Variants in RBFOX1 observed in about 807,000 individuals in gnomAD.
RBFOX1 encodes the protein RNA binding protein fox-1 homolog 1.
In RBFOX1, 8 loss-of-function variants were observed where a neutral mutation model predicts 57.7. The observed-to-expected ratio is 0.14, with a 90% CI of 0.08 to 0.25. The LOEUF (loss-of-function observed/expected upper bound fraction) is 0.25. RBFOX1 is among the 10% of genes least tolerant of loss of function. The pLI is 1.00. For synonymous variants in RBFOX1, 326 were observed against 222.4 expected, an observed-to-expected ratio of 1.47 and a Z score of -4.15; for missense variants, 611 against 548.5, an observed-to-expected ratio of 1.11 and a Z score of -1.14.
At chr16:5,412,290 T>C (rs187241602) in intron 1 of RBFOX1, among the ~76,000 whole-genome samples, 1 of 152,328 alleles carries the variant, frequency 6.6e-6, no homozygotes, top group Non-Finnish European at 1.5e-5. Flanking sequence ...AGAGTTATGG[T>C]TGAGAGCAGG....
Position 7,516,358 on chromosome 16 carries a change from A to G in RBFOX1, c.28-1789A>G, listed in dbSNP as rs143737858. On this transcript the variant is annotated intron_variant, in intron 4 of 15. Transcript: ENST00000550418. Reference sequence around the variant, plus strand: ...TCTCAGTGGGACCATCTGATTGGCCAGGCTGATGTCCTATGGCTCATCTCG... The same window carrying G: ...TCTCAGTGGGACCATCTGATTGGCCGGGCTGATGTCCTATGGCTCATCTCG... Among the ~76,000 whole-genome samples the G allele has an allele frequency of 1.3e-4, 20 of 152,206 alleles. No homozygotes were observed. In the East Asian group the frequency reaches 3.9e-3, roughly 29 times the overall value.
chr16:5,869,625 C>G (rs947483986), intron 4 of RBFOX1, among the ~76,000 whole-genome samples: 2 of 152,118 alleles, frequency 1.3e-5, no homozygotes, highest in Admixed American at 1.3e-4. Context: ...TGGTCTCTAT[C>G]TCTTGACCAC....
chr16:6,095,395 C>T (rs1216383060), intron 1 of RBFOX1, among the ~76,000 whole-genome samples: 1 of 152,184 alleles, frequency 6.6e-6, no homozygotes, highest in Non-Finnish European at 1.5e-5. Flanking sequence ...TTTTTACGGC[C>T]TGTGTCTGTG....
intron 3 of RBFOX1, among the ~76,000 whole-genome samples, chr16:6,802,680 A>T (rs146248824): frequency 6.6e-6 from 1 of 152,216 alleles, no homozygotes; most frequent in Non-Finnish European, 1.5e-5. Flanking sequence ...GTCTCAATTA[A>T]AAACAAAAAA....
At chr16:5,934,886 G>T (rs374501442) in intron 4 of RBFOX1, among the ~76,000 whole-genome samples, 30 of 152,224 alleles carry the variant, frequency 2.0e-4, no homozygotes, top group Admixed American at 3.9e-4. Context: ...ACACAGACTG[G>T]CTGGCCCTGT....
At chr16:7,325,273 C>T (rs940614762) in intron 4 of RBFOX1, among the ~76,000 whole-genome samples, 2 of 152,134 alleles carry the variant, frequency 1.3e-5, no homozygotes, top group Non-Finnish European at 2.9e-5. Context: ...TCGTGATATT[C>T]TTATTTCGCA....
At chr16:6,112,122 G>A (rs981738694) in intron 1 of RBFOX1, among the ~76,000 whole-genome samples, 9 of 152,230 alleles carry the variant, frequency 5.9e-5, no homozygotes, top group African/African-American at 2.2e-4. Context: ...GTATATTCCA[G>A]ACCAATTAGC....
At chr16:7,265,658 A>G (rs1039197642) in intron 4 of RBFOX1, among the ~76,000 whole-genome samples, 2 of 152,154 alleles carry the variant, frequency 1.3e-5, no homozygotes, top group Non-Finnish European at 2.9e-5. Flanking sequence ...CATATTGGCC[A>G]GGCCGGTCTG....
At chr16:7,202,218 C>G (rs1476062231) in intron 4 of RBFOX1, among the ~76,000 whole-genome samples, 3 of 150,454 alleles carry the variant, frequency 2.0e-5, no homozygotes, top group Admixed American at 6.6e-5. Context: ...AAAAGATGCT[C>G]AACATCATTA....
intron 1 of RBFOX1, among the ~76,000 whole-genome samples, chr16:5,321,357 T>G (rs2064400561): frequency 6.6e-6 from 1 of 151,688 alleles, no homozygotes; most frequent in Admixed American, 6.6e-5. Context: ...TCTCGCTTTG[T>G]CACCCAGGCT....
At chr16:6,906,881 C>T (rs2070134606) in intron 3 of RBFOX1, among the ~76,000 whole-genome samples, 1 of 152,034 alleles carries the variant, frequency 6.6e-6, no homozygotes, top group Non-Finnish European at 1.5e-5. Context: ...TGCCACCCCA[C>T]CTGGTTAATT....
At chr16:5,424,912 T>TCTCTC (rs1240435018) in intron 1 of RBFOX1, among the ~76,000 whole-genome samples, 34 of 120,052 alleles carry the variant, frequency 2.8e-4, no homozygotes, top group Non-Finnish European at 4.2e-4. Context: ...TCTTTCTTTC[T>TCTCTC]TTCTTTCTTT....
intron 3 of RBFOX1, among the ~76,000 whole-genome samples, chr16:6,737,785 CTT>C (rs1348919751): frequency 2.6e-5 from 4 of 152,066 alleles, no homozygotes; most frequent in African/African-American, 9.7e-5. Context: ...GGAAAGGTAT[CTT>C]ATATCAAGAT....
At chr16:7,694,708 C>T (rs1371601510) in intron 14 of RBFOX1, among the ~76,000 whole-genome samples, 1 of 152,124 alleles carries the variant, frequency 6.6e-6, no homozygotes, top group Non-Finnish European at 1.5e-5. Context: ...AATTGAATTG[C>T]TGGGAGTGGC....
intron 4 of RBFOX1, among the ~76,000 whole-genome samples, chr16:5,894,565 A>G (rs1316870808): frequency 6.6e-6 from 1 of 152,038 alleles, no homozygotes; most frequent in Non-Finnish European, 1.5e-5. Context: ...GTGAGCCACC[A>G]TGCCCTGTTA....
chr16:5,354,597 C>A (rs1272766454), intron 1 of RBFOX1, among the ~76,000 whole-genome samples: 3 of 152,246 alleles, frequency 2.0e-5, no homozygotes, highest in African/African-American at 7.2e-5. Flanking sequence ...TAATCTTAAG[C>A]CGCTTTTCCA....
At chr16:7,611,480 G>A (rs1355245413) in intron 10 of RBFOX1, among the ~76,000 whole-genome samples, 1 of 151,898 alleles carries the variant, frequency 6.6e-6, no homozygotes, top group Non-Finnish European at 1.5e-5. Context: ...CTGGGAGGCT[G>A]AGGCAGAAGA....
intron 3 of RBFOX1, among the ~76,000 whole-genome samples, chr16:5,707,197 C>T (rs1174045994): frequency 6.6e-6 from 1 of 152,134 alleles, no homozygotes; most frequent in African/African-American, 2.4e-5. Context: ...AGGACTCACA[C>T]CTGTAACTAT....
At chr16:6,848,907 C>G (rs907222662) in intron 3 of RBFOX1, among the ~76,000 whole-genome samples, 1 of 152,074 alleles carries the variant, frequency 6.6e-6, no homozygotes, top group Non-Finnish European at 1.5e-5. Context: ...GATAGTGTTG[C>G]AAAGAAAAAG....
Sources: allele counts gnomAD v4.1 joint callset (sites outside exome capture counted in the v4.1 genomes callset), GRCh38; gene constraint gnomAD v4.1.1; transcripts MANE v1.5; gene names NCBI Gene and HGNC (gene_info 2026-07-23, HGNC 2026-07-21).